The following ANKRD12 variants were observed in gnomAD, a reference collection of about 807,000 sequenced individuals.
ANKRD12 encodes ankyrin repeat domain-containing protein 12.
Under a neutral mutation model 183.4 loss-of-function variants are expected in ANKRD12, and 85 were observed. The observed-to-expected ratio is 0.46, with a 90% confidence interval of 0.39 to 0.56. ANKRD12 has a LOEUF of 0.56. Among genes scored for constraint, ANKRD12 ranks in the 20% least tolerant of loss-of-function variants. The pLI, the probability that ANKRD12 is intolerant of heterozygous loss-of-function variation, is 0.00. For missense variants in ANKRD12, 2,405 were observed against 2,357.1 expected, an observed-to-expected ratio of 1.02 and a Z score of -0.42; for synonymous variants, 914 against 800.2, an observed-to-expected ratio of 1.14 and a Z score of -2.40.
chr18:9,177,803 G>T (rs761379183), intron 1 of ANKRD12, among the ~76,000 whole-genome samples: 1 of 151,900 alleles, frequency 6.6e-6, no homozygotes, highest in Admixed American at 6.5e-5. Context: ...ACTTTTTTTA[G>T]CTCTCACATA....
At chr18:9,181,972 T>C (rs529592165) in intron 1 of ANKRD12, among the ~76,000 whole-genome samples, 1 of 152,312 alleles carries the variant, frequency 6.6e-6, no homozygotes, top group South Asian at 2.1e-4. Flanking sequence ...ATGTAGGGAA[T>C]TAGGTGTTGT....
chr18:9,269,624 A>T (rs977903072), intron 10 of ANKRD12, among the ~76,000 whole-genome samples: 1 of 152,240 alleles, frequency 6.6e-6, no homozygotes, highest in Admixed American at 6.5e-5. Flanking sequence ...TTAATTCAAG[A>T]TGGATTAAAG....
rs750057553 is a variant in ANKRD12, at chr18:9,254,901, A to G, written c.1634A>G (p.Lys545Arg). Residue 545 changes from lysine (K) to arginine (R), a missense_variant, in exon 9 of 13, where the codon AAA becomes AGA. Physicochemically the swap from Lys to Arg is conservative, Grantham distance 26 (BLOSUM62 2). Around this residue, in one of 7 missense-constraint regions of ANKRD12, gnomAD observed 1,983 missense variants for 1,725.9 expected, o/e 1.15. Coordinates refer to ENST00000262126, the MANE Select transcript of ANKRD12 (RefSeq NM_015208.5). ...LFHISTGKSP[K>R]HSCGLSEKQS... Reference sequence around the variant, plus strand: ...CATATTTCCACTGGTAAATCTCCCAAACATTCTTGTGGATTAAGTGAAAAA... The same window carrying G: ...CATATTTCCACTGGTAAATCTCCCAGACATTCTTGTGGATTAAGTGAAAAA... 9.6e-6 allele frequency: 15 copies of G among 1,557,314 alleles called. No homozygotes were observed. The highest frequency in any genetic ancestry group is 8.7e-7 in the Non-Finnish European group (1 of 1,155,164).
rs1167032499 is a variant in ANKRD12 at position 9,257,041 on chromosome 18, T to G, written c.3774T>G (p.Leu1258=). The G allele has an allele frequency of 6.2e-7, 1 of 1,614,008 alleles. No individual in the cohort carries two copies. The highest frequency in any genetic ancestry group is 1.7e-5 in the Admixed American group (1 of 59,984). Residue 1258 remains leucine (L), a synonymous_variant, in exon 9 of 13, where the codon CTT becomes CTG. Coordinates refer to ENST00000262126, the MANE Select transcript of ANKRD12 (RefSeq NM_015208.5). ...PFLSIAKSPA[L]HERELDSLAD... is the part of the protein sequence containing the mutation. ...TGTCAATTGCCAAATCTCCTGCTCT[T>G]CATGAAAGGGAATTGGACAGCCTGG...
chr18:9,231,961 T>C (rs189370120), intron 8 of ANKRD12, among the ~76,000 whole-genome samples: 46 of 152,346 alleles, frequency 3.0e-4, no homozygotes, highest in African/African-American at 1.1e-3. Context: ...ACATTTCTTA[T>C]AGGCAACATA....
Position 9,283,758 on chromosome 18 carries a change from A to G in ANKRD12, c.*2632A>G, listed in dbSNP as rs917562835. The G allele has an allele frequency of 1.3e-5, 2 of 152,652 alleles. No individual in the cohort carries two copies. The highest frequency in any genetic ancestry group is 4.8e-5 in the African/African-American group (2 of 41,462). The allele number at this position is 152,652 out of a possible 1,614,324, so 9.5% of individuals were successfully genotyped here. On this transcript the variant is annotated 3_prime_UTR_variant, in exon 13 of 13. Transcript: ENST00000262126. ...ATTTAATAAAGAGTTATATTTTTAT[A>G]GAAAAAAAGAGTGAAATGTGTGCTA...
At chr18:9,221,305 C>A (rs886836895) in intron 7 of ANKRD12, among the ~76,000 whole-genome samples, 1 of 152,088 alleles carries the variant, frequency 6.6e-6, no homozygotes, top group African/African-American at 2.4e-5. Context: ...GATACAGCAT[C>A]CTTCTGTAAA....
At chr18:9,271,492 C>G (rs2039603138) in intron 10 of ANKRD12, among the ~76,000 whole-genome samples, 1 of 152,048 alleles carries the variant, frequency 6.6e-6, no homozygotes. Context: ...GTACTCCAGC[C>G]TGGGGGACAG....
intron 1 of ANKRD12, among the ~76,000 whole-genome samples, chr18:9,146,819 C>G (rs1051925749): frequency 6.6e-6 from 1 of 152,088 alleles, no homozygotes; most frequent in Non-Finnish European, 1.5e-5. Flanking sequence ...TACAGTTGTT[C>G]TGAAATCTAG....
chr18:9,260,689 A>C (rs927809636), intron 9 of ANKRD12, among the ~76,000 whole-genome samples: 1 of 152,148 alleles, frequency 6.6e-6, no homozygotes, highest in Non-Finnish European at 1.5e-5. Flanking sequence ...TGAAAGAGAA[A>C]ATCTCCAAGC....
At chr18:9,238,529 T>A (rs1016840432) in intron 8 of ANKRD12, among the ~76,000 whole-genome samples, 2 of 152,200 alleles carry the variant, frequency 1.3e-5, no homozygotes, top group Admixed American at 6.5e-5. Flanking sequence ...TCTGCACATA[T>A]AAGTCATACA....
chr18:9,280,181 A>G (rs2145501893), intron 12 of ANKRD12, among the ~76,000 whole-genome samples: 1 of 152,284 alleles, frequency 6.6e-6, no homozygotes, highest in South Asian at 2.1e-4. Context: ...TGGGGATGAA[A>G]CTTTCACCTC....
chr18:9,258,748 A>G lies in ANKRD12; in HGVS notation c.5481A>G (p.Pro1827=). The G allele has an allele frequency of 6.2e-7, 1 of 1,613,908 alleles. No homozygotes were observed. The part of the protein sequence containing the change: ...VDSLKLDEIQ[P]YSSERANPYF... The stretch of plus-strand genomic sequence containing the variant: ...CTCTAAAACTAGATGAGATTCAGCC[A>G]TACAGTTCAGAGAGAGCAAATCCAT... The change falls in exon 9 of 13, where the codon CCA becomes CCG. Residue 1827 remains proline, a synonymous_variant. Transcript: ENST00000262126.
At chr18:9,261,562 T>C (rs1224347444) in intron 9 of ANKRD12, among the ~76,000 whole-genome samples, 1 of 152,234 alleles carries the variant, frequency 6.6e-6, no homozygotes. Context: ...GCAGCCTGTA[T>C]TATTTTGCCC....
chr18:9,158,628 T>A (rs927966153), intron 1 of ANKRD12, among the ~76,000 whole-genome samples: 1 of 152,216 alleles, frequency 6.6e-6, no homozygotes, highest in Non-Finnish European at 1.5e-5. Flanking sequence ...ACTATTAGCA[T>A]TAACCTTGAT....
intron 8 of ANKRD12, among the ~76,000 whole-genome samples, chr18:9,249,277 C>T (rs1211344509): frequency 6.6e-6 from 1 of 152,188 alleles, no homozygotes; most frequent in East Asian, 1.9e-4. Flanking sequence ...TCACCCCTCT[C>T]ATCCTTCACC....
At chr18:9,163,995 C>T (rs2031753394) in intron 1 of ANKRD12, among the ~76,000 whole-genome samples, 1 of 152,172 alleles carries the variant, frequency 6.6e-6, no homozygotes, top group South Asian at 2.1e-4. Context: ...TTGACTTTCT[C>T]TCTTCCTATT....
chr18:9,205,127 A>G (rs371125125), intron 4 of ANKRD12, among the ~76,000 whole-genome samples: 13 of 152,326 alleles, frequency 8.5e-5, no homozygotes, highest in Middle Eastern at 3.4e-3. Flanking sequence ...CTATTAAGCT[A>G]TGGCACCTGT....
At chr18:9,157,310 T>G (rs1044985505) in intron 1 of ANKRD12, among the ~76,000 whole-genome samples, 1 of 151,962 alleles carries the variant, frequency 6.6e-6, no homozygotes, top group Non-Finnish European at 1.5e-5. Context: ...CATCTCGTGG[T>G]TGTTTACCCC....
Sources: gnomAD v4.1 joint callset for allele counts (sites outside exome capture counted in the v4.1 genomes callset) on GRCh38, gnomAD v4.1.1 for gene constraint, gnomAD v4.1.1 regional missense constraint, MANE v1.5 for transcripts, NCBI Gene and HGNC (gene_info 2026-07-23, HGNC 2026-07-21) for gene names.